The following LARGE1 variants were observed in gnomAD, a reference collection of about 807,000 sequenced individuals.
LARGE1 encodes xylosyl- and glucuronyltransferase LARGE1.
Under a neutral mutation model 87.6 loss-of-function variants are expected in LARGE1, and 43 were observed. The observed-to-expected ratio is 0.49, with a 90% CI of 0.38 to 0.63. The LOEUF (loss-of-function observed/expected upper bound fraction) is 0.63. Ranked by LOEUF, LARGE1 falls within the 30% of genes least tolerant of loss-of-function variation. LARGE1 has a pLI of 0.00. For missense variants in LARGE1, 802 were observed against 1,000.2 expected (o/e 0.80, Z 2.67); for synonymous variants, 434 against 394.6 (o/e 1.10, Z -1.18).
At chr22:33,351,133 T>C (rs1320359281) in intron 9 of LARGE1, among the ~76,000 whole-genome samples, 3 of 152,258 alleles carry the variant, frequency 2.0e-5, no homozygotes, top group African/African-American at 4.8e-5. Flanking sequence ...TGCACTGTCT[T>C]GTTCACTATT....
intron 1 of LARGE1, among the ~76,000 whole-genome samples, chr22:33,772,213 G>A (rs188918028): frequency 1.3e-3 from 199 of 152,142 alleles, no homozygotes; most frequent in South Asian, 2.7e-3. Flanking sequence ...GGCACCTGTA[G>A]TCCCAGCTAC....
intron 1 of LARGE1, among the ~76,000 whole-genome samples, chr22:33,782,693 C>G (rs554927250): frequency 6.6e-6 from 1 of 151,768 alleles, no homozygotes; most frequent in Admixed American, 6.6e-5. Context: ...GGTGAAACCC[C>G]GTCTCTACTA....
chr22:33,266,150 G>GA (rs111856408), intron 11 of LARGE1, among the ~76,000 whole-genome samples: 12,184 of 130,730 alleles, frequency 0.093, 1,196 homozygotes, highest in African/African-American at 0.25. Flanking sequence ...ACTCAATAGG[G>GA]AAAAAAAAAA....
downstream of LARGE1, among the ~76,000 whole-genome samples, chr22:33,161,189 G>A (rs1922010979): frequency 6.6e-6 from 1 of 152,130 alleles, no homozygotes; most frequent in Admixed American, 6.5e-5. Flanking sequence ...TCACTACCAT[G>A]AGAACAGCAT....
the LARGE1 span, among the ~76,000 whole-genome samples, chr22:33,128,389 G>A: frequency 6.6e-6 from 1 of 152,166 alleles, no homozygotes; most frequent in African/African-American, 2.4e-5. Context: ...AAGAAAATGT[G>A]GTAGGCCAGA....
At chr22:33,830,867 G>A (rs2062944128) in intron 1 of LARGE1, among the ~76,000 whole-genome samples, 1 of 152,200 alleles carries the variant, frequency 6.6e-6, no homozygotes, top group African/African-American at 2.4e-5. Context: ...CGTAGAAGAA[G>A]AGGTGAGGGA....
the LARGE1 span, among the ~76,000 whole-genome samples, chr22:33,140,185 G>A: frequency 2.6e-5 from 4 of 152,324 alleles, no homozygotes; most frequent in South Asian, 8.3e-4. Flanking sequence ...CTGGGAGGGG[G>A]TTGCAGGTGG....
At chr22:33,729,688 C>G (rs982550552) in intron 2 of LARGE1, among the ~76,000 whole-genome samples, 1 of 152,234 alleles carries the variant, frequency 6.6e-6, no homozygotes, top group Non-Finnish European at 1.5e-5. Flanking sequence ...ACAACAGGCG[C>G]TATCAAGGAC....
the LARGE1 span, among the ~76,000 whole-genome samples, chr22:33,131,993 A>T: frequency 1.3e-5 from 2 of 151,532 alleles, no homozygotes; most frequent in Non-Finnish European, 2.9e-5. Flanking sequence ...AAACCATCAG[A>T]TCTCATAAGA....
intron 6 of LARGE1, among the ~76,000 whole-genome samples, chr22:33,540,908 C>A (rs991033063): frequency 1.3e-5 from 2 of 151,604 alleles, no homozygotes; most frequent in Non-Finnish European, 2.9e-5. Context: ...CGGAGGTAGG[C>A]GGATTGCTTG....
At chr22:33,678,085 T>G (rs925470265) in intron 2 of LARGE1, among the ~76,000 whole-genome samples, 1 of 152,170 alleles carries the variant, frequency 6.6e-6, no homozygotes, top group Non-Finnish European at 1.5e-5. Flanking sequence ...ATTTGTAAAA[T>G]TTATGTAAAA....
In LARGE1 at chr22:33,843,034, G is replaced by A. The variant is rs115500075; in HGVS notation, c.-83+76961C>T. Among the ~76,000 whole-genome samples the A allele has an allele frequency of 8.3e-3, 1,263 of 152,200 alleles. 15 individuals are homozygous for A. Among genetic ancestry groups the A allele is most frequent in the African/African-American group, 0.029 (1,220 of 41,512 alleles). ...GGGGGGTCCTGTCTATGTTGTTCAC[G>A]TGGCCCTGGATTTCCATACTCCTAG... On this transcript the variant is annotated intron_variant, in intron 1 of 14. Coordinates refer to ENST00000397394, the MANE Select transcript of LARGE1 (RefSeq NM_133642.5).
At chr22:33,291,625 C>T (rs147005180) in intron 12 of LARGE1, among the ~76,000 whole-genome samples, 68 of 151,336 alleles carry the variant, frequency 4.5e-4, no homozygotes, top group Middle Eastern at 3.4e-3. Context: ...ACATTTAATA[C>T]ATAATGTATT....
intron 3 of LARGE1, among the ~76,000 whole-genome samples, chr22:33,646,435 A>G (rs1313438722): frequency 6.6e-6 from 1 of 151,518 alleles, no homozygotes; most frequent in East Asian, 2.0e-4. Context: ...GGACCTGTTG[A>G]GGGGCGGGGC....
At chr22:33,523,246 C>T (rs147619013) in intron 6 of LARGE1, among the ~76,000 whole-genome samples, 2,559 of 152,074 alleles carry the variant, frequency 0.017, 57 homozygotes, top group African/African-American at 0.049. Context: ...TCAGGTGATC[C>T]GCCCACCTTG....
At chr22:33,067,594 C>T in the LARGE1 span, among the ~76,000 whole-genome samples, 1 of 152,158 alleles carries the variant, frequency 6.6e-6, no homozygotes. Flanking sequence ...AAGAAACTTA[C>T]TAAAGTCACA....
intron 3 of LARGE1, among the ~76,000 whole-genome samples, chr22:33,632,508 G>T (rs1433065570): frequency 6.6e-6 from 1 of 151,482 alleles, no homozygotes; most frequent in Non-Finnish European, 1.5e-5. Flanking sequence ...GGCACCAGTG[G>T]GGGTCTCAGA....
rs373946596 is a variant in LARGE1, at chr22:33,626,707, A to G, written c.409-381T>C. On this transcript the variant is annotated intron_variant, in intron 3 of 14. Coordinates refer to ENST00000397394, the MANE Select transcript of LARGE1 (RefSeq NM_133642.5). Reference sequence around the variant, plus strand: ...AACCAACAATCAGGGATCTCAGACTAAGAAGTTATGGCTCAGAGAGTTAGT... The same window carrying G: ...AACCAACAATCAGGGATCTCAGACTGAGAAGTTATGGCTCAGAGAGTTAGT... 1.5e-4 allele frequency among the ~76,000 whole-genome samples: 23 copies of G among 152,356 alleles called. No homozygotes were observed. In the East Asian group the frequency reaches 3.9e-3, roughly 26 times the overall value.
At chr22:33,577,835 T>C (rs16992572) in intron 5 of LARGE1, among the ~76,000 whole-genome samples, 6,581 of 152,234 alleles carry the variant, frequency 0.043, 483 homozygotes, top group African/African-American at 0.15. Context: ...TTCTGATTGG[T>C]TTAAAAACTG....
Sources: allele counts gnomAD v4.1 joint callset (sites outside exome capture counted in the v4.1 genomes callset), GRCh38; gene constraint gnomAD v4.1.1; transcripts MANE v1.5; gene names NCBI Gene and HGNC (gene_info 2026-07-23, HGNC 2026-07-21).